ZBTB7C: variants seen among roughly 807,000 people sequenced by gnomAD.
The protein encoded by ZBTB7C is zinc finger and BTB domain-containing protein 7C.
A neutral mutation model predicts 25.7 loss-of-function variants in ZBTB7C; 8 were observed. That is an observed-to-expected ratio of 0.31 (90% confidence interval 0.18 to 0.56). The LOEUF (loss-of-function observed/expected upper bound fraction) is 0.56. Among genes scored for constraint, ZBTB7C ranks in the 20% least tolerant of loss-of-function variants. The pLI is 0.91. For missense variants in ZBTB7C, 824 were observed against 855.2 expected (o/e 0.96, Z 0.46); for synonymous variants, 394 against 369.0 (o/e 1.07, Z -0.78).
intron 1 of ZBTB7C, among the ~76,000 whole-genome samples, chr18:48,347,586 C>T (rs1179308961): frequency 6.6e-6 from 1 of 152,232 alleles, no homozygotes; most frequent in Middle Eastern, 3.4e-3. Context: ...CCTGGGCACA[C>T]CAGCTTCCAC....
At chr18:48,362,912 C>G (rs9304366) in intron 1 of ZBTB7C, among the ~76,000 whole-genome samples, 44,597 of 152,012 alleles carry the variant, frequency 0.29, 7,558 homozygotes, top group East Asian at 0.69. Context: ...GAAGGTGTGG[C>G]CGCTGCACCT....
In ZBTB7C at chr18:48,325,397, A is replaced by G. The variant is rs149959177; in HGVS notation, c.-79+12777T>C. On this transcript the variant is annotated intron_variant, in intron 2 of 4. Transcript: ENST00000590800. ...CTGGTGGCAGTTGGCCATTGCATTG[A>G]TTCTTATTCACTCAGAAGCTAAATC... 5.1e-4 allele frequency among the ~76,000 whole-genome samples: 78 copies of G among 152,356 alleles called. 1 individual carries two copies. The highest frequency in any genetic ancestry group is 1.8e-3 in the African/African-American group (75 of 41,572).
chr18:48,251,216 C>A (rs2043846227), intron 2 of ZBTB7C, among the ~76,000 whole-genome samples: 1 of 151,788 alleles, frequency 6.6e-6, no homozygotes, highest in Non-Finnish European at 1.5e-5. Context: ...AGAGCAAGAA[C>A]CTGTCTCCCC....
intron 2 of ZBTB7C, among the ~76,000 whole-genome samples, chr18:48,302,657 G>A (rs1034141259): frequency 3.3e-5 from 5 of 152,164 alleles, no homozygotes; most frequent in African/African-American, 1.2e-4. Context: ...CAGATTGGCT[G>A]GAGTTAGATA....
chr18:48,282,343 G>T (rs2044885586), intron 2 of ZBTB7C, among the ~76,000 whole-genome samples: 1 of 149,066 alleles, frequency 6.7e-6, no homozygotes, highest in African/African-American at 2.5e-5. Context: ...GATAGCATTA[G>T]GAGATATACC....
intron 3 of ZBTB7C, among the ~76,000 whole-genome samples, chr18:48,120,053 G>GCTA (rs1448429003): frequency 6.6e-6 from 1 of 152,168 alleles, no homozygotes; most frequent in Non-Finnish European, 1.5e-5. Flanking sequence ...GGTCTGAGAT[G>GCTA]CTACATTTCC....
chr18:48,245,679 G>A (rs2043672301), intron 2 of ZBTB7C, among the ~76,000 whole-genome samples: 1 of 152,046 alleles, frequency 6.6e-6, no homozygotes, highest in African/African-American at 2.4e-5. Context: ...TTTAGATTCA[G>A]GAAACAGGAC....
At chr18:48,389,579 G>A (rs1408237917) in intron 1 of ZBTB7C, among the ~76,000 whole-genome samples, 1 of 151,360 alleles carries the variant, frequency 6.6e-6, no homozygotes, top group Non-Finnish European at 1.5e-5. Context: ...TAATGGGCAG[G>A]ATTTCTCTTG....
chr18:48,231,763 C>A (rs575700424), intron 2 of ZBTB7C, among the ~76,000 whole-genome samples: 2 of 152,222 alleles, frequency 1.3e-5, no homozygotes, highest in Non-Finnish European at 2.9e-5. Context: ...AGAAGAGCTG[C>A]GGCCCTTTGG....
chr18:48,304,568 A>C (rs1481607206), intron 2 of ZBTB7C, among the ~76,000 whole-genome samples: 3 of 152,194 alleles, frequency 2.0e-5, no homozygotes. Flanking sequence ...CCAGCTACTC[A>C]GGAGGCTGAG....
At chr18:48,367,194 TATATATATAC>T (rs1247870605) in intron 1 of ZBTB7C, among the ~76,000 whole-genome samples, 2 of 53,888 alleles carry the variant, frequency 3.7e-5, no homozygotes, top group Non-Finnish European at 7.2e-5. Context: ...TATATATATA[TATATATATAC>T]ACACACACAC....
chr18:48,064,114 C>T (rs1333503998), intron 3 of ZBTB7C, among the ~76,000 whole-genome samples: 1 of 152,174 alleles, frequency 6.6e-6, no homozygotes, highest in African/African-American at 2.4e-5. Context: ...TGGCTCCATG[C>T]ATATGCAGCT....
rs183138199 is a variant in ZBTB7C, at chr18:48,217,618, C to T, written c.-78-31623G>A. Among the ~76,000 whole-genome samples the T allele has an allele frequency of 1.4e-4, 22 of 152,276 alleles. No homozygotes were observed. In the East Asian group the frequency reaches 2.9e-3, roughly 20 times the overall value. ...ATCTCTGTGAAGATCTTCTTATCCACCTGAAAAGCCCCATTTCTTCCTGGA... is the reference window on the plus strand; with the variant it reads ...ATCTCTGTGAAGATCTTCTTATCCATCTGAAAAGCCCCATTTCTTCCTGGA... On this transcript the variant is annotated intron_variant, in intron 2 of 4. Transcript: ENST00000590800.
chr18:48,407,311 T>C lies in ZBTB7C; in HGVS notation c.-304+1915A>G, dbSNP rs915471485. 2.6e-5 allele frequency among the ~76,000 whole-genome samples: 4 copies of C among 152,240 alleles called. No homozygotes were observed. In the East Asian group the frequency reaches 7.7e-4, roughly 29 times the overall value. On this transcript the variant is annotated intron_variant, in intron 1 of 4. Transcript: ENST00000590800. ...GCAAATTCTTCTTGGCTAATCAAGC[T>C]GCATTGTGTTACAAAAGGAGTTTGA...
intron 3 of ZBTB7C, among the ~76,000 whole-genome samples, chr18:48,048,528 C>T (rs2036560629): frequency 6.6e-6 from 1 of 152,150 alleles, no homozygotes; most frequent in African/African-American, 2.4e-5. Flanking sequence ...TGGTAATTAC[C>T]CTCCTTGAGC....
intron 2 of ZBTB7C, among the ~76,000 whole-genome samples, chr18:48,232,234 G>A (rs1331154175): frequency 7.2e-5 from 11 of 152,176 alleles, no homozygotes. Context: ...GATTGGAGTG[G>A]TGCATCCATC....
chr18:48,248,466 C>T (rs1295317832), intron 2 of ZBTB7C, among the ~76,000 whole-genome samples: 1 of 152,158 alleles, frequency 6.6e-6, no homozygotes, highest in Non-Finnish European at 1.5e-5. Flanking sequence ...CTGGCCCTCC[C>T]TGTCTTCCCT....
chr18:48,391,489 G>A (rs2145262024), intron 1 of ZBTB7C, among the ~76,000 whole-genome samples: 1 of 151,938 alleles, frequency 6.6e-6, no homozygotes, highest in East Asian at 1.9e-4. Context: ...TGATATGCAA[G>A]TCAGTCAACT....
chr18:48,187,697 T>C (rs2042091668), intron 2 of ZBTB7C, among the ~76,000 whole-genome samples: 1 of 151,740 alleles, frequency 6.6e-6, no homozygotes, highest in East Asian at 1.9e-4. Flanking sequence ...GGCCGGTGCC[T>C]GTAGTACCAG....
Sources: gnomAD v4.1 joint callset for allele counts (sites outside exome capture counted in the v4.1 genomes callset) on GRCh38, gnomAD v4.1.1 for gene constraint, MANE v1.5 for transcripts, NCBI Gene and HGNC (gene_info 2026-07-23, HGNC 2026-07-21) for gene names.